Variants in FSTL4 observed in about 807,000 individuals in gnomAD.
The protein encoded by FSTL4 is follistatin like 4.
A neutral mutation model predicts 78.2 loss-of-function variants in FSTL4; 28 were observed. The observed-to-expected ratio is 0.36, with a 90% CI of 0.27 to 0.49. The LOEUF is 0.49. FSTL4 is among the 20% of genes least tolerant of loss of function. FSTL4 has a pLI of 0.98. For missense variants in FSTL4, 922 were observed against 1,084.9 expected, an observed-to-expected ratio of 0.85 and a Z score of 2.11; for synonymous variants, 422 against 440.5, an observed-to-expected ratio of 0.96 and a Z score of 0.53.
chr5:133,492,962 C>T (rs1016553963), intron 3 of FSTL4, among the ~76,000 whole-genome samples: 38 of 151,884 alleles, frequency 2.5e-4, no homozygotes, highest in Non-Finnish European at 1.2e-4. Context: ...TTCAACAATT[C>T]TCTCTTCAGC....
chr5:133,380,507 A>G (rs1289302745), intron 4 of FSTL4, among the ~76,000 whole-genome samples: 2 of 152,168 alleles, frequency 1.3e-5, no homozygotes, highest in East Asian at 1.9e-4. Context: ...AGAAAACTAT[A>G]TAAGTAAAGA....
At chr5:133,546,006 T>C (rs574571567) in intron 3 of FSTL4, among the ~76,000 whole-genome samples, 3 of 152,354 alleles carry the variant, frequency 2.0e-5, no homozygotes, top group Non-Finnish European at 4.4e-5. Context: ...TAGGGCTCTA[T>C]GGACTGTAGA....
intron 4 of FSTL4, among the ~76,000 whole-genome samples, chr5:133,394,914 A>G (rs557612091): frequency 3.3e-5 from 5 of 152,304 alleles, no homozygotes; most frequent in African/African-American, 1.2e-4. Context: ...AAATACACCA[A>G]TCAGCACCCT....
chr5:133,223,569 T>C lies in FSTL4; in HGVS notation c.1339+621A>G, dbSNP rs1751228727. Among the ~76,000 whole-genome samples the C allele has an allele frequency of 2.0e-5, 3 of 152,118 alleles. No individual in the cohort carries two copies. In the South Asian group the frequency reaches 6.2e-4, roughly 32 times the overall value. ...GGGCATGCACCTGCACCCCACACAG[T>C]GACTCAGGCTCTGCCACCAGCTCCC... is the stretch of plus-strand genomic sequence containing the variant. On this transcript the variant is annotated intron_variant, in intron 11 of 15. Transcript: ENST00000265342.
At chr5:133,649,863 A>G in the FSTL4 span, among the ~76,000 whole-genome samples, 2 of 152,234 alleles carry the variant, frequency 1.3e-5, no homozygotes, top group East Asian at 1.9e-4. Flanking sequence ...CATTTCAATG[A>G]AGTTCAGTAT....
intron 3 of FSTL4, among the ~76,000 whole-genome samples, chr5:133,561,639 G>A (rs1198861967): frequency 6.6e-6 from 1 of 152,184 alleles, no homozygotes; most frequent in Non-Finnish European, 1.5e-5. Flanking sequence ...CTTGAAGCCA[G>A]ATCCACCCTT....
chr5:133,372,413 T>A (rs557259327), intron 4 of FSTL4, among the ~76,000 whole-genome samples: 4 of 152,066 alleles, frequency 2.6e-5, no homozygotes, highest in Non-Finnish European at 4.4e-5. Flanking sequence ...AGAGAACACA[T>A]AACTGAGCTC....
intron 4 of FSTL4, chr5:133,388,617 C>G (rs1339955316): frequency 1.3e-5 from 2 of 149,684 alleles, no homozygotes; most frequent in Non-Finnish European, 3.0e-5. Flanking sequence ...TTGTTTTTCT[C>G]TCTCTGGATA....
At chr5:133,624,903 C>A in the FSTL4 span, among the ~76,000 whole-genome samples, 1 of 151,570 alleles carries the variant, frequency 6.6e-6, no homozygotes, top group African/African-American at 2.4e-5. Context: ...TGACATTTTA[C>A]TATGTTGAGT....
At chr5:133,294,055 C>T (rs1255144520) in intron 6 of FSTL4, among the ~76,000 whole-genome samples, 2 of 152,182 alleles carry the variant, frequency 1.3e-5, no homozygotes, top group African/African-American at 4.8e-5. Flanking sequence ...ACTCCCATAC[C>T]TGCCTGTGAA....
In FSTL4 at chr5:133,355,264, A is replaced by G. The variant is rs141197811; in HGVS notation, c.410-38612T>C. On this transcript the variant is annotated intron_variant, in intron 4 of 15. Coordinates refer to ENST00000265342, the MANE Select transcript of FSTL4 (RefSeq NM_015082.2). ...ACAGCTTCCCAAGTTTTGAAAACAA[A>G]TAACACTTAGCATGAAGCTAAATTG... is the stretch of plus-strand genomic sequence containing the variant. Among the ~76,000 whole-genome samples, 1,050 of 152,348 alleles carry G rather than the reference A, an allele frequency of 6.9e-3. 6 individuals carry two copies. The highest frequency in any genetic ancestry group is 0.022 in the East Asian group (115 of 5,186).
the FSTL4 span, among the ~76,000 whole-genome samples, chr5:133,645,036 A>G: frequency 6.6e-6 from 1 of 151,770 alleles, no homozygotes; most frequent in Non-Finnish European, 1.5e-5. Context: ...GGTGGTAATA[A>G]CTTCCCACCG....
chr5:133,546,971 T>C (rs953334854), intron 3 of FSTL4, among the ~76,000 whole-genome samples: 2 of 152,148 alleles, frequency 1.3e-5, no homozygotes, highest in African/African-American at 2.4e-5. Context: ...GTGAACACCC[T>C]GGGGGCCCAG....
At chr5:133,818,364 G>T in the FSTL4 span, among the ~76,000 whole-genome samples, 3 of 152,194 alleles carry the variant, frequency 2.0e-5, no homozygotes, top group African/African-American at 7.2e-5. Flanking sequence ...GAAGGCCTGG[G>T]TCTTGCTGCT....
chr5:133,464,981 A>G (rs1033970428), intron 3 of FSTL4, among the ~76,000 whole-genome samples: 5 of 151,826 alleles, frequency 3.3e-5, no homozygotes, highest in African/African-American at 1.2e-4. Context: ...GGTCCTTCCT[A>G]TTTTCCAACC....
chr5:133,386,735 G>A (rs557950548), intron 4 of FSTL4, among the ~76,000 whole-genome samples: 3 of 152,354 alleles, frequency 2.0e-5, no homozygotes, highest in Admixed American at 6.5e-5. Flanking sequence ...CCAGGCAGAA[G>A]TGGAGAGACA....
the FSTL4 span, among the ~76,000 whole-genome samples, chr5:133,714,522 A>G: frequency 6.6e-6 from 1 of 152,192 alleles, no homozygotes; most frequent in African/African-American, 2.4e-5. Context: ...GTACTCAAAA[A>G]TACTCGATGC....
intron 4 of FSTL4, among the ~76,000 whole-genome samples, chr5:133,353,898 C>T (rs949850135): frequency 6.6e-6 from 1 of 152,186 alleles, no homozygotes; most frequent in Non-Finnish European, 1.5e-5. Context: ...TCTGGACATG[C>T]GGGGGCAGTG....
chr5:133,670,115 A>G, the FSTL4 span, among the ~76,000 whole-genome samples: 1 of 152,208 alleles, frequency 6.6e-6, no homozygotes. Context: ...CGTCGTCAAC[A>G]TAGCAGTAAA....
Sources: gnomAD v4.1 joint callset for allele counts (sites outside exome capture counted in the v4.1 genomes callset) on GRCh38, gnomAD v4.1.1 for gene constraint, MANE v1.5 for transcripts, NCBI Gene and HGNC (gene_info 2026-07-23, HGNC 2026-07-21) for gene names.